CADM2: variants seen among roughly 807,000 people sequenced by gnomAD.
The protein encoded by CADM2 is immunoglobulin superfamily member 4D.
In CADM2, 12 loss-of-function variants were observed where a neutral mutation model predicts 49.8. The observed-to-expected ratio is 0.24, with a 90% confidence interval of 0.15 to 0.39. CADM2 has a LOEUF of 0.39. CADM2 is among the 10% of genes least tolerant of loss of function. CADM2 has a pLI of 1.00. For synonymous variants in CADM2, 214 were observed against 175.4 expected (o/e 1.22, Z -1.74); for missense variants, 378 against 492.3 (o/e 0.77, Z 2.20).
At chr3:85,032,838 G>A (rs945694406) in intron 1 of CADM2, among the ~76,000 whole-genome samples, 2 of 152,070 alleles carry the variant, frequency 1.3e-5, no homozygotes, top group African/African-American at 4.8e-5. Context: ...TTTGACATCA[G>A]TGGCCTTCCT....
chr3:86,058,832 A>C (rs999952894), intron 8 of CADM2, among the ~76,000 whole-genome samples: 4 of 152,000 alleles, frequency 2.6e-5, no homozygotes, highest in Non-Finnish European at 5.9e-5. Context: ...AGTGGCTCAC[A>C]CCTGTAATCC....
intron 1 of CADM2, among the ~76,000 whole-genome samples, chr3:85,420,748 A>G (rs951119226): frequency 3.9e-5 from 6 of 152,230 alleles, no homozygotes; most frequent in African/African-American, 1.4e-4. Context: ...ATAAAAGATA[A>G]TATTAAAGAT....
chr3:85,408,538 G>T (rs1355974637), intron 1 of CADM2, among the ~76,000 whole-genome samples: 1 of 152,136 alleles, frequency 6.6e-6, no homozygotes, highest in Admixed American at 6.6e-5. Flanking sequence ...AAACTATAGA[G>T]ATATGTTCTA....
At chr3:85,836,643 G>A (rs2074422305) in intron 3 of CADM2, among the ~76,000 whole-genome samples, 1 of 151,512 alleles carries the variant, frequency 6.6e-6, no homozygotes, top group African/African-American at 2.4e-5. Flanking sequence ...CTGAAATAGA[G>A]GGTAATGGAT....
At chr3:85,021,441 C>T (rs2034506956) in intron 1 of CADM2, among the ~76,000 whole-genome samples, 1 of 149,452 alleles carries the variant, frequency 6.7e-6, no homozygotes. Flanking sequence ...TCAAATATGC[C>T]TAGAGTTTGT....
intron 2 of CADM2, among the ~76,000 whole-genome samples, chr3:85,767,375 A>G (rs573949025): frequency 6.6e-4 from 100 of 152,322 alleles, no homozygotes; most frequent in African/African-American, 2.3e-3. Flanking sequence ...AGATTTCAAA[A>G]TGTAAAATTG....
At chr3:85,127,565 G>A (rs1159910103) in intron 1 of CADM2, among the ~76,000 whole-genome samples, 1 of 152,136 alleles carries the variant, frequency 6.6e-6, no homozygotes, top group East Asian at 1.9e-4. Flanking sequence ...AATTCCCTAT[G>A]AATTTAATAA....
chr3:85,721,937 AG>A (rs538568604), intron 1 of CADM2, among the ~76,000 whole-genome samples: 119 of 152,300 alleles, frequency 7.8e-4, no homozygotes, highest in African/African-American at 2.6e-3. Context: ...AGGGTGAGCA[AG>A]TTGAGGAGGA....
intron 1 of CADM2, among the ~76,000 whole-genome samples, chr3:85,568,266 C>T (rs569885730): frequency 3.3e-5 from 5 of 152,036 alleles, no homozygotes; most frequent in Non-Finnish European, 7.3e-5. Context: ...AAGTGGTACA[C>T]AAGAAATGCA....
intron 7 of CADM2, among the ~76,000 whole-genome samples, chr3:85,948,117 T>A (rs1722963330): frequency 6.6e-6 from 1 of 151,554 alleles, no homozygotes; most frequent in African/African-American, 2.4e-5. Flanking sequence ...ATTTTTGAGA[T>A]TACATTTAAG....
chr3:85,758,451 A>T (rs935965325), intron 2 of CADM2, among the ~76,000 whole-genome samples: 8 of 152,104 alleles, frequency 5.3e-5, no homozygotes, highest in African/African-American at 1.9e-4. Flanking sequence ...GTTTATGACC[A>T]CTAGTAAAAG....
intron 1 of CADM2, among the ~76,000 whole-genome samples, chr3:85,485,480 G>A (rs2039379875): frequency 1.3e-5 from 2 of 151,758 alleles, no homozygotes; most frequent in Admixed American, 6.6e-5. Context: ...TTGATAACTG[G>A]AAAAAATAAC....
chr3:85,341,664 T>G (rs577404916), intron 1 of CADM2, among the ~76,000 whole-genome samples: 1 of 152,072 alleles, frequency 6.6e-6, no homozygotes, highest in South Asian at 2.1e-4. Flanking sequence ...GTAACAAACC[T>G]GCACATTCTG....
chr3:85,292,989 A>G (rs2043844648), intron 1 of CADM2, among the ~76,000 whole-genome samples: 2 of 152,166 alleles, frequency 1.3e-5, no homozygotes, highest in African/African-American at 2.4e-5. Flanking sequence ...CAAAAAATTA[A>G]TGATTCCAGG....
intron 8 of CADM2, among the ~76,000 whole-genome samples, chr3:85,997,851 C>G (rs981440812): frequency 3.3e-5 from 5 of 152,128 alleles, no homozygotes; most frequent in African/African-American, 1.2e-4. Context: ...ATTCCATGGT[C>G]TGTCTTCGTT....
At chr3:85,635,201 G>A (rs989525687) in intron 1 of CADM2, among the ~76,000 whole-genome samples, 12 of 152,034 alleles carry the variant, frequency 7.9e-5, no homozygotes, top group African/African-American at 2.2e-4. Context: ...TCATGAAAAT[G>A]GTAAGGATCA....
At chr3:85,175,917 A>ATTTTTTTT (rs2040770217) in intron 1 of CADM2, among the ~76,000 whole-genome samples, 2 of 125,420 alleles carry the variant, frequency 1.6e-5, no homozygotes, top group African/African-American at 7.3e-5. Context: ...TTATGTCCTA[A>ATTTTTTTT]TCTTTTTTTT....
At chr3:85,550,919 T>G (rs1421930737) in intron 1 of CADM2, among the ~76,000 whole-genome samples, 1 of 152,174 alleles carries the variant, frequency 6.6e-6, no homozygotes, top group Non-Finnish European at 1.5e-5. Flanking sequence ...ATCGTATTTT[T>G]TACTTCTTTA....
chr3:85,336,579 A>G (rs893474832), intron 1 of CADM2, among the ~76,000 whole-genome samples: 6 of 151,210 alleles, frequency 4.0e-5, no homozygotes, highest in Non-Finnish European at 5.9e-5. Flanking sequence ...TAAGATTTAT[A>G]TTGTCAACTA....
Sources: gnomAD v4.1 joint callset for allele counts (sites outside exome capture counted in the v4.1 genomes callset) on GRCh38, gnomAD v4.1.1 for gene constraint, MANE v1.5 for transcripts, NCBI Gene and HGNC (gene_info 2026-07-23, HGNC 2026-07-21) for gene names.